ZBTB20: variants seen among roughly 807,000 people sequenced by gnomAD.
The protein encoded by ZBTB20 is zinc finger and BTB domain-containing protein 20.
ZBTB20 carries 9 observed loss-of-function variants against 56.9 expected under a neutral mutation model. The observed-to-expected ratio is 0.16, with a 90% CI of 0.10 to 0.28. ZBTB20 has a LOEUF of 0.28. Among genes scored for constraint, ZBTB20 ranks in the 10% least tolerant of loss-of-function variants. ZBTB20 has a pLI of 1.00. For synonymous variants in ZBTB20, 417 were observed against 420.7 expected, an observed-to-expected ratio of 0.99 and a Z score of 0.11; for missense variants, 655 against 1,003.0, an observed-to-expected ratio of 0.65 and a Z score of 4.69.
At chr3:114,676,771 A>AT (rs397873968) in intron 6 of ZBTB20, among the ~76,000 whole-genome samples, 11,838 of 123,284 alleles carry the variant, frequency 0.096, 673 homozygotes, top group Middle Eastern at 0.16. Flanking sequence ...GAACTAGGGG[A>AT]TTTTTTTTTT....
chr3:114,615,477 T>G (rs2057871034), intron 6 of ZBTB20, among the ~76,000 whole-genome samples: 1 of 152,202 alleles, frequency 6.6e-6, no homozygotes, highest in South Asian at 2.1e-4. Context: ...TTAACCTTGC[T>G]GCACAGGTAA....
chr3:114,964,709 A>T (rs1211355040), intron 3 of ZBTB20, among the ~76,000 whole-genome samples: 2 of 152,116 alleles, frequency 1.3e-5, no homozygotes, highest in Non-Finnish European at 2.9e-5. Context: ...GGTGATGGGA[A>T]GAGATATGGG....
chr3:114,621,511 T>A (rs978335737), intron 6 of ZBTB20, among the ~76,000 whole-genome samples: 1 of 152,212 alleles, frequency 6.6e-6, no homozygotes, highest in Non-Finnish European at 1.5e-5. Flanking sequence ...AAAATATATG[T>A]CTTTCTTAGG....
At chr3:114,609,315 C>G (rs2057384186) in intron 6 of ZBTB20, among the ~76,000 whole-genome samples, 1 of 152,158 alleles carries the variant, frequency 6.6e-6, no homozygotes, top group South Asian at 2.1e-4. Flanking sequence ...TGCCATCTTA[C>G]AAGCATGAGA....
chr3:115,080,404 A>G (rs1309120044), intron 1 of ZBTB20, among the ~76,000 whole-genome samples: 1 of 152,228 alleles, frequency 6.6e-6, no homozygotes, highest in African/African-American at 2.4e-5. Context: ...ACCACAAACA[A>G]TAAGAAAATT....
At chr3:114,722,802 G>T (rs1307078616) in intron 5 of ZBTB20, among the ~76,000 whole-genome samples, 1 of 152,166 alleles carries the variant, frequency 6.6e-6, no homozygotes, top group Non-Finnish European at 1.5e-5. Context: ...GTGGCTGGTT[G>T]TTGTCTGGGC....
intron 5 of ZBTB20, among the ~76,000 whole-genome samples, chr3:114,759,496 T>C (rs1283358123): frequency 6.6e-6 from 1 of 152,144 alleles, no homozygotes. Flanking sequence ...ACACAGTCAT[T>C]GGGCAGACAA....
At chr3:115,095,801 A>G (rs1280802973) in intron 1 of ZBTB20, among the ~76,000 whole-genome samples, 2 of 152,312 alleles carry the variant, frequency 1.3e-5, no homozygotes, top group East Asian at 3.9e-4. Flanking sequence ...TATAATATCT[A>G]TGTAATAGGA....
intron 6 of ZBTB20, among the ~76,000 whole-genome samples, chr3:114,539,030 C>A (rs2048805656): frequency 6.6e-6 from 1 of 152,062 alleles, no homozygotes; most frequent in South Asian, 2.1e-4. Flanking sequence ...TGGTAAATAT[C>A]CTGTTTATTG....
chr3:114,751,155 T>C (rs571361669), intron 5 of ZBTB20, among the ~76,000 whole-genome samples: 19 of 152,286 alleles, frequency 1.2e-4, no homozygotes, highest in African/African-American at 4.6e-4. Flanking sequence ...TCATATGTGT[T>C]ATATATTAAT....
intron 4 of ZBTB20, among the ~76,000 whole-genome samples, chr3:114,821,067 C>T (rs185947091): frequency 6.6e-6 from 1 of 152,250 alleles, no homozygotes; most frequent in East Asian, 1.9e-4. Context: ...GGAATACCAA[C>T]CTTGCCTAGT....
chr3:114,459,154 T>C (rs1185270266), intron 7 of ZBTB20, among the ~76,000 whole-genome samples: 1 of 152,212 alleles, frequency 6.6e-6, no homozygotes, highest in East Asian at 1.9e-4. Context: ...ATAAATGCCA[T>C]AATTCAACGT....
At position 114,753,337 on chromosome 3, in the gene ZBTB20, TGTATATA is replaced by T. The variant is rs2067721069; in HGVS notation, c.-343+47757_-343+47763del. Among the ~76,000 whole-genome samples the T allele has an allele frequency of 1.5e-5, 2 of 130,574 alleles. 1 individual carries two copies. Among genetic ancestry groups the T allele is most frequent in the African/African-American group, 5.5e-5 (2 of 36,470 alleles). The allele number at this position is 130,574 out of a possible 152,430, so 85.7% of individuals were successfully genotyped here. On this transcript the variant is annotated intron_variant, in intron 5 of 11. Coordinates refer to ENST00000675478, the MANE Select transcript of ZBTB20 (RefSeq NM_001348800.3). ...TATATATGTATACCTGTATATATAA[TGTATATA>T]TGTATACATTATATATAATGTATAT... is the stretch of plus-strand genomic sequence containing the variant.
chr3:115,003,235 T>A (rs369479113), intron 2 of ZBTB20, among the ~76,000 whole-genome samples: 1 of 151,610 alleles, frequency 6.6e-6, no homozygotes, highest in Admixed American at 6.6e-5. Flanking sequence ...CATAACATCA[T>A]GCATTTGTCA....
At chr3:115,134,517 T>C (rs1162871810) in intron 1 of ZBTB20, among the ~76,000 whole-genome samples, 1 of 152,204 alleles carries the variant, frequency 6.6e-6, no homozygotes, top group Non-Finnish European at 1.5e-5. Flanking sequence ...TGGGTTTTTT[T>C]ATATGCTTGG....
intron 4 of ZBTB20, among the ~76,000 whole-genome samples, chr3:114,899,067 T>C (rs148170571): frequency 2.5e-4 from 38 of 152,224 alleles, no homozygotes; most frequent in African/African-American, 8.9e-4. Context: ...CTAAAATACA[T>C]TTAATATCAT....
intron 10 of ZBTB20, among the ~76,000 whole-genome samples, chr3:114,373,761 A>G (rs1480393807): frequency 6.6e-6 from 1 of 152,200 alleles, no homozygotes; most frequent in Non-Finnish European, 1.5e-5. Context: ...GACTTGGTGC[A>G]GAATGAGGGA....
chr3:114,755,899 T>C (rs570206879), intron 5 of ZBTB20, among the ~76,000 whole-genome samples: 1 of 152,324 alleles, frequency 6.6e-6, no homozygotes, highest in African/African-American at 2.4e-5. Context: ...CTTATGCTTA[T>C]GGATGTTACA....
chr3:114,686,492 G>T (rs1348313438), intron 6 of ZBTB20, among the ~76,000 whole-genome samples: 1 of 152,112 alleles, frequency 6.6e-6, no homozygotes, highest in Non-Finnish European at 1.5e-5. Context: ...AAAACATTCT[G>T]ATTGATTTTT....
Sources: allele counts gnomAD v4.1 joint callset (sites outside exome capture counted in the v4.1 genomes callset), GRCh38; gene constraint gnomAD v4.1.1; transcripts MANE v1.5; gene names NCBI Gene and HGNC (gene_info 2026-07-23, HGNC 2026-07-21).